The following ITPR2 variants were observed in gnomAD, a reference collection of about 807,000 sequenced individuals.
ITPR2 encodes inositol 1,4,5-trisphosphate-gated calcium channel ITPR2.
A neutral mutation model predicts 317.1 loss-of-function variants in ITPR2; 207 were observed. That is an observed-to-expected ratio of 0.65 (90% confidence interval 0.58 to 0.73). The LOEUF (loss-of-function observed/expected upper bound fraction) is 0.73. ITPR2 is among the 30% of genes least tolerant of loss of function. The pLI is 0.00. For synonymous variants in ITPR2, 1,156 were observed against 1,149.1 expected (o/e 1.01, Z -0.12); for missense variants, 2,613 against 3,284.0 (o/e 0.80, Z 4.99).
At chr12:26,716,772 G>A (rs1170751595) in intron 5 of ITPR2, among the ~76,000 whole-genome samples, 1 of 152,146 alleles carries the variant, frequency 6.6e-6, no homozygotes, top group Non-Finnish European at 1.5e-5. Context: ...AATTAGGTAT[G>A]ACCTTGTAGA....
intron 10 of ITPR2, among the ~76,000 whole-genome samples, chr12:26,692,259 G>A (rs1028486726): frequency 6.6e-5 from 10 of 152,202 alleles, no homozygotes; most frequent in African/African-American, 1.9e-4. Flanking sequence ...CCCCCAGGGG[G>A]CATTGGCAAT....
chr12:26,424,517 T>C (rs1940986983), intron 49 of ITPR2, among the ~76,000 whole-genome samples: 1 of 151,928 alleles, frequency 6.6e-6, no homozygotes, highest in African/African-American at 2.4e-5. Flanking sequence ...ATTTCCTACC[T>C]CCTGGGTAAT....
At chr12:26,367,603 T>C (rs1283176933) in intron 55 of ITPR2, among the ~76,000 whole-genome samples, 2 of 151,966 alleles carry the variant, frequency 1.3e-5, no homozygotes, top group African/African-American at 4.8e-5. Flanking sequence ...AAATGAAAAA[T>C]GAAGTTATAT....
At chr12:26,612,752 C>T (rs867268949) in intron 26 of ITPR2, among the ~76,000 whole-genome samples, 23 of 152,316 alleles carry the variant, frequency 1.5e-4, no homozygotes, top group Middle Eastern at 6.8e-3. Context: ...TGAAGCATTC[C>T]GGATTCTGTC....
chr12:26,449,138 A>AT (rs1308826952), intron 45 of ITPR2, among the ~76,000 whole-genome samples: 1 of 152,092 alleles, frequency 6.6e-6, no homozygotes, highest in African/African-American at 2.4e-5. Flanking sequence ...TTTCATCTGT[A>AT]TTTTTTTAAT....
At chr12:26,382,402 C>T (rs1488287492) in intron 55 of ITPR2, among the ~76,000 whole-genome samples, 2 of 152,134 alleles carry the variant, frequency 1.3e-5, no homozygotes, top group Non-Finnish European at 2.9e-5. Flanking sequence ...CTGTGGCTCA[C>T]ACCTGTAATC....
Position 26,503,190 on chromosome 12 carries a change from A to AACACACACACACACACACACACAC in ITPR2, c.5074-7954_5074-7931dup, listed in dbSNP as rs57271500. On this transcript the variant is annotated intron_variant, in intron 37 of 56. Coordinates refer to ENST00000381340, the MANE Select transcript of ITPR2 (RefSeq NM_002223.4). ...GGTAGAAGACCCACTGCCCCCCACCAACACACACACACACACACACACACA... is the reference window on the plus strand; with the variant it reads ...GGTAGAAGACCCACTGCCCCCCACCAACACACACACACACACACACACACACACACACACACACACACACACACA... 1.6e-3 allele frequency among the ~76,000 whole-genome samples: 217 copies of AACACACACACACACACACACACAC among 139,200 alleles called. 4 individuals carry two copies. The highest frequency in any genetic ancestry group is 3.0e-3 in the South Asian group (12 of 4,014). The allele number at this position is 139,200 out of a possible 152,430, so 91.3% of individuals were successfully genotyped here. A position where few individuals can be genotyped will look rare whatever the true frequency, so the allele number is the denominator to read the frequency against.
rs187945876 is a variant in ITPR2 at position 26,715,980 on chromosome 12, C to T, written c.625-145G>A. ...AATACAAGTATCTTTGAGAGACCAT[C>T]CAAAAATAGCAATAACTAATCACAG... On this transcript the variant is annotated intron_variant, in intron 6 of 56. Coordinates refer to ENST00000381340, the MANE Select transcript of ITPR2 (RefSeq NM_002223.4). 3.4e-5 allele frequency: 25 copies of T among 725,586 alleles called. 1 individual carries two copies. The highest frequency in any genetic ancestry group is 3.2e-4 in the African/African-American group (18 of 56,474). 44.9% of individuals were successfully genotyped at this position (725,586 alleles called of 1,614,324 possible).
At chr12:26,665,784 T>A in intron 14 of ITPR2, 126 bp downstream of exon 14, 1 of 801,906 alleles carries the variant, frequency 1.2e-6, no homozygotes, top group South Asian at 1.8e-5. Flanking sequence ...ACAAGAAGTA[T>A]CTTGTTTTCA....
At chr12:26,750,748 C>T (rs117747612) in intron 2 of ITPR2, among the ~76,000 whole-genome samples, 346 of 151,938 alleles carry the variant, frequency 2.3e-3, no homozygotes, top group Non-Finnish European at 4.1e-3. Flanking sequence ...AAAGTCCTGA[C>T]GCAGAAGAAA....
chr12:26,571,974 A>G (rs1945173184), intron 34 of ITPR2, among the ~76,000 whole-genome samples: 1 of 152,266 alleles, frequency 6.6e-6, no homozygotes, highest in Non-Finnish European at 1.5e-5. Flanking sequence ...AAATATGACT[A>G]TAATTGATCT....
intron 45 of ITPR2, among the ~76,000 whole-genome samples, chr12:26,461,627 A>AAT (rs754482854): frequency 0.02 from 970 of 48,170 alleles, 8 homozygotes; most frequent in East Asian, 0.045. Flanking sequence ...AAAGCATATA[A>AAT]ATATATATAT....
chr12:26,832,551 G>C lies in ITPR2; in HGVS notation c.92+139C>G, dbSNP rs781672597. 9.3e-4 allele frequency: 502 copies of C among 541,936 alleles called. 1 individual carries two copies. Among genetic ancestry groups the C allele is most frequent in the Admixed American group, 3.0e-4 (7 of 23,118 alleles). The allele number at this position is 541,936 out of a possible 1,614,324, so 33.6% of individuals were successfully genotyped here. The stretch of plus-strand genomic sequence containing the variant: ...GGGCGAGCGAGAGAGCGGAGCGCAC[G>C]GCGCTGTCCGCGGGCGCCGACCCTG... On this transcript the variant is annotated intron_variant, in intron 1 of 56. Coordinates refer to ENST00000381340, the MANE Select transcript of ITPR2 (RefSeq NM_002223.4).
At chr12:26,574,761 G>T (rs888334802) in intron 34 of ITPR2, among the ~76,000 whole-genome samples, 2 of 152,150 alleles carry the variant, frequency 1.3e-5, no homozygotes, top group Non-Finnish European at 2.9e-5. Flanking sequence ...CGTGGTGGAA[G>T]GCACAGGGAG....
intron 2 of ITPR2, among the ~76,000 whole-genome samples, chr12:26,778,172 GA>G (rs1217355494): frequency 1.3e-5 from 2 of 152,214 alleles, no homozygotes; most frequent in Non-Finnish European, 2.9e-5. Context: ...CTGGTAGAGT[GA>G]GGACTACTGT....
chr12:26,809,713 C>T (rs1029843852), intron 1 of ITPR2, among the ~76,000 whole-genome samples: 3 of 152,130 alleles, frequency 2.0e-5, no homozygotes, highest in African/African-American at 7.2e-5. Flanking sequence ...GCTGTTCTTA[C>T]GGCTTGATGG....
chr12:26,407,336 T>C lies in ITPR2; in HGVS notation c.7399+3984A>G, dbSNP rs554425421. Among the ~76,000 whole-genome samples the C allele has an allele frequency of 1.2e-4, 19 of 152,286 alleles. No individual in the cohort carries two copies. The South Asian group carries it at 3.9e-3, about 32-fold the overall frequency. On this transcript the variant is annotated intron_variant, in intron 52 of 56. Coordinates refer to ENST00000381340, the MANE Select transcript of ITPR2 (RefSeq NM_002223.4). Reference sequence around the variant, plus strand: ...TTTATCAAGCTTAACATTATTAATATTTTGGGCTAGATGATTCTTTGTTGT... The same window carrying C: ...TTTATCAAGCTTAACATTATTAATACTTTGGGCTAGATGATTCTTTGTTGT...
chr12:26,584,748 C>T (rs1353133058), intron 32 of ITPR2, among the ~76,000 whole-genome samples: 1 of 152,160 alleles, frequency 6.6e-6, no homozygotes, highest in African/African-American at 2.4e-5. Flanking sequence ...TTAAAATTTA[C>T]ATTTAAATAG....
chr12:26,353,162 T>C (rs1429130812), intron 55 of ITPR2, among the ~76,000 whole-genome samples: 1 of 152,240 alleles, frequency 6.6e-6, no homozygotes, highest in Non-Finnish European at 1.5e-5. Context: ...AAAAGCCTCT[T>C]TACCTTTGAA....
Sources: allele counts gnomAD v4.1 joint callset (sites outside exome capture counted in the v4.1 genomes callset), GRCh38; gene constraint gnomAD v4.1.1; transcripts MANE v1.5; gene names NCBI Gene and HGNC (gene_info 2026-07-23, HGNC 2026-07-21).